LRP11: variants seen among roughly 807,000 people sequenced by gnomAD.
LRP11 encodes the protein LDL receptor related protein 11.
Under a neutral mutation model 43.1 loss-of-function variants are expected in LRP11, and 25 were observed. The ratio of observed to expected loss-of-function variants is 0.58; its 90% CI spans 0.42 to 0.81. LRP11 has a LOEUF of 0.81. Among genes scored for constraint, LRP11 ranks in the 30% least tolerant of loss-of-function variants. The probability of loss-of-function intolerance (pLI) is 0.00; values close to 1 mark genes in which losing one functional copy is unlikely to be tolerated. For synonymous variants in LRP11, 316 were observed against 299.4 expected, an observed-to-expected ratio of 1.06 and a Z score of -0.57; for missense variants, 623 against 665.1, an observed-to-expected ratio of 0.94 and a Z score of 0.70.
In LRP11 at chr6:149,843,054, G is replaced by A. The variant is rs9478945; in HGVS notation, c.842C>T (p.Thr281Met). The A allele has an allele frequency of 1.6e-3, 2,636 of 1,614,192 alleles. 38 individuals carry two copies. The African/African-American group carries it at 0.031, about 19-fold the overall frequency. ...EGTYTFQLTV[T>M]DTAGQRSSDN... Reference sequence around the variant, plus strand: ...AGAGCTTCTCTGCCCGGCAGTGTCCGTCACGGTCAGCTGGAAGGTGTAGGT... The same window carrying A: ...AGAGCTTCTCTGCCCGGCAGTGTCCATCACGGTCAGCTGGAAGGTGTAGGT... Residue 281 changes from threonine to methionine, a missense_variant, in exon 3 of 7, where the codon ACG (threonine) becomes ATG (methionine). Coordinates refer to ENST00000239367, the MANE Select transcript of LRP11 (RefSeq NM_032832.6).
At chr6:149,837,523 A>G (rs1297389255) in intron 3 of LRP11, 60 bp from the exon 4 acceptor site, 6 of 1,572,260 alleles carry the variant, frequency 3.8e-6, no homozygotes, top group Non-Finnish European at 5.2e-6. Context: ...CAAGATGGGG[A>G]TGACAAAGGG....
chr6:149,828,441 G>A (rs751267371), intron 5 of LRP11, among the ~76,000 whole-genome samples: 3 of 151,722 alleles, frequency 2.0e-5, no homozygotes, highest in African/African-American at 4.8e-5. Flanking sequence ...CTTTTATGGT[G>A]CAAATCTCAT....
At chr6:149,852,973 G>A (rs201419819) in intron 2 of LRP11, 30 bp downstream of exon 2, 141 of 1,549,668 alleles carry the variant, frequency 9.1e-5, no homozygotes, top group Non-Finnish European at 1.2e-4. Context: ...TGAAATACTC[G>A]TTTTTGTTAG....
intron 5 of LRP11, 75 bp from the exon 6 acceptor site, chr6:149,826,434 C>G (rs982358977): frequency 4.7e-6 from 5 of 1,052,790 alleles, no homozygotes; most frequent in East Asian, 2.4e-5. Flanking sequence ...GAAAATACAG[C>G]CTTATTTTTT....
chr6:149,845,551 T>G (rs1262856484), intron 2 of LRP11, among the ~76,000 whole-genome samples: 1 of 152,194 alleles, frequency 6.6e-6, no homozygotes, highest in Non-Finnish European at 1.5e-5. Flanking sequence ...CCAACTACAC[T>G]GACAGAATGC....
chr6:149,830,801 C>T (rs898967148), intron 5 of LRP11, among the ~76,000 whole-genome samples: 4 of 152,140 alleles, frequency 2.6e-5, no homozygotes, highest in African/African-American at 4.8e-5. Context: ...TATCAGGCAG[C>T]GGGCAGTGTG....
chr6:149,824,711 T>C (rs1776316481), intron 6 of LRP11, among the ~76,000 whole-genome samples: 1 of 151,836 alleles, frequency 6.6e-6, no homozygotes, highest in Non-Finnish European at 1.5e-5. Context: ...AATACAAAAA[T>C]TAGCCAGGTG....
chr6:149,841,331 A>T (rs1776544004), intron 3 of LRP11, among the ~76,000 whole-genome samples: 1 of 152,182 alleles, frequency 6.6e-6, no homozygotes, highest in African/African-American at 2.4e-5. Flanking sequence ...TTGAATACTG[A>T]GAATTCAAAA....
Position 149,819,187 on chromosome 6 carries a change from T to C in LRP11, c.*1362A>G, listed in dbSNP as rs757287259. On this transcript the variant is annotated 3_prime_UTR_variant, in exon 7 of 7. Coordinates refer to ENST00000239367, the MANE Select transcript of LRP11 (RefSeq NM_032832.6). ...TTTGTTCATGTATTTTGATATGTTA[T>C]ATTCCCCACCCGAATTAAACCCTTT... is the stretch of plus-strand genomic sequence containing the variant. The C allele has an allele frequency of 5.3e-5, 8 of 152,230 alleles. No individual in the cohort carries two copies. The highest frequency in any genetic ancestry group is 1.0e-4 in the Non-Finnish European group (7 of 68,042). The allele number at this position is 152,230 out of a possible 1,614,324, so 9.4% of individuals were successfully genotyped here.
intron 2 of LRP11, among the ~76,000 whole-genome samples, chr6:149,849,095 G>A (rs747277514): frequency 1.3e-3 from 192 of 152,252 alleles, no homozygotes; most frequent in African/African-American, 4.5e-3. Context: ...ACCCAGTCAT[G>A]GTGTTTTATT....
intron 4 of LRP11, 82 bp downstream of exon 4, chr6:149,837,255 GT>G: frequency 1.4e-6 from 2 of 1,461,994 alleles, no homozygotes; most frequent in Non-Finnish European, 9.3e-7. Context: ...AGGACACTGT[GT>G]TTGCATTTCA....
chr6:149,831,130 A>C (rs1776403206), intron 5 of LRP11, among the ~76,000 whole-genome samples: 1 of 152,242 alleles, frequency 6.6e-6, no homozygotes, highest in Admixed American at 6.5e-5. Flanking sequence ...TACATGTCTT[A>C]GGAGACCATT....
At chr6:149,845,751 T>C (rs1432866969) in intron 2 of LRP11, among the ~76,000 whole-genome samples, 1 of 151,996 alleles carries the variant, frequency 6.6e-6, no homozygotes, top group East Asian at 1.9e-4. Context: ...CAGATAAGAC[T>C]TGGGGCTCAG....
At chr6:149,835,999 C>A in intron 5 of LRP11, 86 bp downstream of exon 5, 1 of 1,219,982 alleles carries the variant, frequency 8.2e-7, no homozygotes, top group Non-Finnish European at 1.2e-6. Context: ...ACTTCCTTAA[C>A]ACTCTTCAAA....
At chr6:149,863,370 C>A (rs781094949) in intron 1 of LRP11, 38 bp downstream of exon 1, 5 of 1,310,948 alleles carry the variant, frequency 3.8e-6, no homozygotes, top group Non-Finnish European at 4.8e-6. Flanking sequence ...GGGTCTCGAG[C>A]GCTCTGGCCA....
chr6:149,820,454 T>C lies in LRP11; in HGVS notation c.*95A>G. ...GGATTTGCAGAATCTTCTGGCCCAA[T>C]TAAAAACAAAAGAAGCTGTAAATAT... On this transcript the variant is annotated 3_prime_UTR_variant, in exon 7 of 7. Coordinates refer to ENST00000239367, the MANE Select transcript of LRP11 (RefSeq NM_032832.6). 1 of 564,056 alleles carries C rather than the reference T, an allele frequency of 1.8e-6. No homozygotes were observed. Among genetic ancestry groups the C allele is most frequent in the Non-Finnish European group, 3.2e-6 (1 of 310,262 alleles). 34.9% of individuals were successfully genotyped at this position (564,056 alleles called of 1,614,324 possible).
chr6:149,858,249 C>T (rs914622660), intron 1 of LRP11, among the ~76,000 whole-genome samples: 15 of 152,236 alleles, frequency 9.9e-5, no homozygotes, highest in African/African-American at 2.6e-4. Flanking sequence ...CCTCCGTGTC[C>T]GTGTGTTCTC....
chr6:149,863,714 C>G lies in LRP11; in HGVS notation c.307G>C (p.Ala103Pro). 1 of 1,481,582 alleles carries G rather than the reference C, an allele frequency of 6.7e-7. No individual in the cohort carries two copies. The highest frequency in any genetic ancestry group is 8.9e-7 in the Non-Finnish European group (1 of 1,122,978). 91.8% of individuals were successfully genotyped at this position (1,481,582 alleles called of 1,614,324 possible). A position where few individuals can be genotyped will look rare whatever the true frequency, so the allele number is the denominator to read the frequency against. The change falls in exon 1 of 7, where the codon GCC becomes CCC. Residue 103 changes from alanine (A) to proline (P), a missense_variant. By Grantham distance (27) the Ala-to-Pro change is conservative. Transcript: ENST00000239367. ...GSGGYSAMPD[A>P]IIRTKDSLAA... ...AGGGAGTCCTTGGTGCGGATGATGG[C>G]GTCAGGCATTGCGCTGTAGCCGCCG... is the stretch of plus-strand genomic sequence containing the variant.
At chr6:149,857,474 C>T (rs1170255116) in intron 1 of LRP11, among the ~76,000 whole-genome samples, 2 of 151,006 alleles carry the variant, frequency 1.3e-5, no homozygotes, top group Non-Finnish European at 2.9e-5. Flanking sequence ...CACTTCACTC[C>T]TGCCTGCATA....
Sources: gnomAD v4.1 joint callset for allele counts (sites outside exome capture counted in the v4.1 genomes callset) on GRCh38, gnomAD v4.1.1 for gene constraint, MANE v1.5 for transcripts, NCBI Gene and HGNC (gene_info 2026-07-23, HGNC 2026-07-21) for gene names.